Variants in SGMS2 observed in about 807,000 individuals in gnomAD.
SGMS2 encodes sphingomyelin synthase 2.
Under a neutral mutation model 43.8 loss-of-function variants are expected in SGMS2, and 21 were observed. The ratio of observed to expected loss-of-function variants is 0.48; its 90% CI spans 0.34 to 0.69. SGMS2 has a LOEUF of 0.69. SGMS2 is among the 30% of genes least tolerant of loss of function. The pLI is 0.01. For missense variants in SGMS2, 384 were observed against 443.2 expected (o/e 0.87, Z 1.20); for synonymous variants, 167 against 160.6 (o/e 1.04, Z -0.30).
At chr4:107,861,203 C>A (rs1200255929) in intron 2 of SGMS2, among the ~76,000 whole-genome samples, 3 of 152,200 alleles carry the variant, frequency 2.0e-5, no homozygotes, top group Non-Finnish European at 4.4e-5. Flanking sequence ...TGGGGCTCTA[C>A]TGCTATTTAA....
intron 2 of SGMS2, among the ~76,000 whole-genome samples, chr4:107,888,537 C>G (rs1216599613): frequency 6.6e-6 from 1 of 152,024 alleles, no homozygotes; most frequent in Non-Finnish European, 1.5e-5. Context: ...TAAATTCTCT[C>G]TCGTATGAAG....
intron 1 of SGMS2, among the ~76,000 whole-genome samples, chr4:107,857,174 G>A (rs528585056): frequency 2.0e-5 from 3 of 152,056 alleles, no homozygotes; most frequent in Admixed American, 6.6e-5. Flanking sequence ...GGATTCATTC[G>A]TGCTACAGTG....
At chr4:107,848,592 A>G (rs1166735771) in intron 1 of SGMS2, among the ~76,000 whole-genome samples, 3 of 152,142 alleles carry the variant, frequency 2.0e-5, no homozygotes, top group Non-Finnish European at 1.5e-5. Flanking sequence ...TGGTGTTAGT[A>G]TGGATTTTAG....
rs866634340 is a variant in SGMS2 at position 107,884,117 on chromosome 4, C to A, written c.-244-11193C>A. ...TTTTCTTCTTTTTTCCCCATTTTTC[C>A]TAATTTGAAGTCACTGAAAACTAAG... On this transcript the variant is annotated intron_variant, in intron 2 of 6. Transcript: ENST00000690982. Among the ~76,000 whole-genome samples the A allele has an allele frequency of 5.8e-4, 88 of 152,016 alleles. 1 individual carries two copies. Among genetic ancestry groups the A allele is most frequent in the African/African-American group, 2.1e-3 (87 of 41,458 alleles).
At chr4:107,857,377 C>T (rs971938694) in intron 1 of SGMS2, among the ~76,000 whole-genome samples, 1 of 151,790 alleles carries the variant, frequency 6.6e-6, no homozygotes, top group African/African-American at 2.4e-5. Flanking sequence ...GGGTATATAC[C>T]TAAGAGTGAC....
Position 107,847,038 on chromosome 4 carries a change from G to A in SGMS2, c.-326-11434G>A, listed in dbSNP as rs1319185377. On this transcript the variant is annotated intron_variant, in intron 1 of 6. Coordinates refer to ENST00000690982, the MANE Select transcript of SGMS2 (RefSeq NM_001375905.1). ...GCCCTTTGTCAGATGAGTAGATTGC[G>A]AAAATTTTCTCCCATTTTGTAGGTT... Among the ~76,000 whole-genome samples, 856 of 151,998 alleles carry A rather than the reference G, an allele frequency of 5.6e-3. 8 individuals are homozygous for A. Among genetic ancestry groups the A allele is most frequent in the African/African-American group, 0.02 (815 of 41,434 alleles).
chr4:107,879,682 G>A (rs111824610), intron 2 of SGMS2, among the ~76,000 whole-genome samples: 1,641 of 152,070 alleles, frequency 0.011, 12 homozygotes, highest in Middle Eastern at 0.031. Flanking sequence ...GGCTGGTCTC[G>A]AACTCTTGGG....
intron 1 of SGMS2, among the ~76,000 whole-genome samples, chr4:107,839,370 T>A (rs188216640): frequency 6.6e-6 from 1 of 150,912 alleles, no homozygotes; most frequent in Non-Finnish European, 1.5e-5. Flanking sequence ...CAGGGCTGTG[T>A]GGAAGTGGTT....
intron 1 of SGMS2, among the ~76,000 whole-genome samples, chr4:107,855,158 T>C (rs1727353225): frequency 6.6e-6 from 1 of 152,188 alleles, no homozygotes; most frequent in Non-Finnish European, 1.5e-5. Context: ...CTGTTTCTGA[T>C]GTCTTTATTA....
Position 107,914,018 on chromosome 4 carries a change from C to T in SGMS2, c.*3465C>T, listed in dbSNP as rs1180046612. On this transcript the variant is annotated 3_prime_UTR_variant, in exon 7 of 7. Coordinates refer to ENST00000690982, the MANE Select transcript of SGMS2 (RefSeq NM_001375905.1). Reference sequence around the variant, plus strand: ...GAAGGAGTTTCTTAATGAGTTTACACGTTTAAATCAAGCATATTATAAGTT... The same window carrying T: ...GAAGGAGTTTCTTAATGAGTTTACATGTTTAAATCAAGCATATTATAAGTT... 2 of 152,070 alleles carry T rather than the reference C, an allele frequency of 1.3e-5. No homozygotes were observed. The highest frequency in any genetic ancestry group is 2.9e-5 in the Non-Finnish European group (2 of 67,994). 9.4% of individuals were successfully genotyped at this position (152,070 alleles called of 1,614,324 possible). A position where few individuals can be genotyped will look rare whatever the true frequency, so the allele number is the denominator to read the frequency against.
chr4:107,865,534 A>T (rs1370535005), intron 2 of SGMS2, among the ~76,000 whole-genome samples: 2 of 152,212 alleles, frequency 1.3e-5, no homozygotes, highest in Non-Finnish European at 2.9e-5. Flanking sequence ...CTAATTTTGA[A>T]TCTGCATCTG....
chr4:107,904,964 G>A (rs1469696173), intron 5 of SGMS2, among the ~76,000 whole-genome samples: 2 of 152,162 alleles, frequency 1.3e-5, no homozygotes, highest in African/African-American at 4.8e-5. Flanking sequence ...AGAAGATGGG[G>A]ATGAGGGTGG....
At chr4:107,907,352 C>G (rs1382255537) in intron 5 of SGMS2, 1 of 152,264 alleles carries the variant, frequency 6.6e-6, no homozygotes, top group Non-Finnish European at 1.5e-5. Flanking sequence ...TGGCCCATGC[C>G]TATAATCCCA....
chr4:107,857,215 C>T (rs987405734), intron 1 of SGMS2, among the ~76,000 whole-genome samples: 23 of 152,114 alleles, frequency 1.5e-4, no homozygotes, highest in African/African-American at 4.8e-4. Context: ...TTCCATTGCC[C>T]AATAATATTA....
rs1357999564 is a variant in SGMS2, at chr4:107,895,708, G to T, written c.155G>T (p.Gly52Val). ...PKSLSSGLRK[G>V]TKKYPDYIQI... ...AGCTTATCCAGTGGGCTGCGAAAAG[G>T]CACCAAAAAGTACCCGGACTATATC... Residue 52 changes from glycine to valine, a missense_variant, in exon 3 of 7, where the codon GGC becomes GTC. Physicochemically the swap from Gly to Val is moderately radical, Grantham distance 109. Transcript: ENST00000690982. The T allele has an allele frequency of 6.2e-7, 1 of 1,613,944 alleles. No homozygotes were observed. The highest frequency in any genetic ancestry group is 1.7e-4 in the Middle Eastern group (1 of 6,058).
chr4:107,893,157 G>A (rs1244212804), intron 2 of SGMS2: 1 of 151,934 alleles, frequency 6.6e-6, no homozygotes, highest in Non-Finnish European at 1.5e-5. Flanking sequence ...GTGGCTGAGT[G>A]TGTCCTCTTG....
At chr4:107,901,855 G>A (rs150013263) in intron 4 of SGMS2, among the ~76,000 whole-genome samples, 155 of 151,954 alleles carry the variant, frequency 1.0e-3, no homozygotes, top group African/African-American at 3.7e-3. Flanking sequence ...TTTCTAGGGC[G>A]AGCTATCCCT....
rs1729479067 is a variant in SGMS2 at position 107,882,987 on chromosome 4, T to A, written c.-244-12323T>A. ...TAAATTCTTTTAAATATTAAAACTA[T>A]AATCTGTAGATAAAAATCTCTTAAT... On this transcript the variant is annotated intron_variant, in intron 2 of 6. Coordinates refer to ENST00000690982, the MANE Select transcript of SGMS2 (RefSeq NM_001375905.1). Among the ~76,000 whole-genome samples the A allele has an allele frequency of 3.9e-5, 6 of 152,190 alleles. No homozygotes were observed. In the South Asian group the frequency reaches 1.2e-3, roughly 31 times the overall value.
At chr4:107,881,439 A>C (rs1477988566) in intron 2 of SGMS2, among the ~76,000 whole-genome samples, 1 of 152,044 alleles carries the variant, frequency 6.6e-6, no homozygotes, top group East Asian at 1.9e-4. Context: ...TGGGCAACGT[A>C]CATCATCTCA....
Sources: allele counts gnomAD v4.1 joint callset (sites outside exome capture counted in the v4.1 genomes callset), GRCh38; gene constraint gnomAD v4.1.1; transcripts MANE v1.5; gene names NCBI Gene and HGNC (gene_info 2026-07-23, HGNC 2026-07-21).